Variants in ZNF334 observed in about 807,000 individuals in gnomAD.
ZNF334 encodes zinc finger protein 334.
A neutral mutation model predicts 12.4 loss-of-function variants in ZNF334; 14 were observed. That is an observed-to-expected ratio of 1.13 (90% confidence interval 0.74 to 1.76). The LOEUF is 1.76. Ranked by LOEUF, ZNF334 falls within the 40% of genes most tolerant of loss-of-function variation. The pLI, the probability that ZNF334 is intolerant of heterozygous loss-of-function variation, is 0.00. For synonymous variants in ZNF334, 273 were observed against 269.6 expected (o/e 1.01, Z -0.12); for missense variants, 797 against 804.5 (o/e 0.99, Z 0.11).
Position 46,501,325 on chromosome 20 carries a change from GA to G in ZNF334, c.2013del (p.Leu672PhefsTer32), listed in dbSNP as rs767251175. 7.4e-6 allele frequency: 12 copies of G among 1,610,904 alleles called. No individual in the cohort carries two copies. Among genetic ancestry groups the G allele is most frequent in the South Asian group, 1.1e-5 (1 of 90,720 alleles). On this transcript the variant is annotated frameshift_variant, in exon 5 of 5. Transcript: ENST00000692313. LOFTEE classifies it low-confidence loss of function (END_TRUNC). ...CEKTFRHKSN[F>X]LLHQKSHKE ...TCCTTGTGGGATTTCTGATGTAAAA[GA>G]AAGTTTGATTTGTGGCGAAATGTTT...
chr20:46,501,613 C>T lies in ZNF334; in HGVS notation c.1726G>A (p.Glu576Lys), dbSNP rs775784193. The T allele has an allele frequency of 3.8e-5, 62 of 1,614,136 alleles. No homozygotes were observed. In the South Asian group the frequency reaches 5.7e-4, roughly 15 times the overall value. The change falls in exon 5 of 5, where the codon GAA becomes AAA. Residue 576 changes from glutamate to lysine, a missense_variant. Physicochemically the swap from Glu to Lys is moderately conservative, Grantham distance 56. Transcript: ENST00000692313. ...TTCTGACAGAAGGTTTTCCCACATT[C>T]ATTACACTCATAGGGTCTCTGTCCT... is the stretch of plus-strand genomic sequence containing the variant. ...HTGQRPYECN[E>K]CGKTFCQKFS...
the ZNF334 span, among the ~76,000 whole-genome samples, chr20:46,474,310 G>A: frequency 6.6e-6 from 1 of 151,854 alleles, no homozygotes; most frequent in Non-Finnish European, 1.5e-5. Context: ...GAGGTGGGAG[G>A]TGGAGGTTGC....
At chr20:46,498,123 G>A (rs371287098), downstream of ZNF334, among the ~76,000 whole-genome samples, 7 of 152,104 alleles carry the variant, frequency 4.6e-5, 1 homozygote, top group African/African-American at 1.7e-4. Flanking sequence ...TGTTTTCAGC[G>A]CGTCTCCTCT....
At chr20:46,481,712 G>A in the ZNF334 span, among the ~76,000 whole-genome samples, 2 of 152,104 alleles carry the variant, frequency 1.3e-5, no homozygotes, top group Non-Finnish European at 2.9e-5. Flanking sequence ...GTAACAAAAG[G>A]GCACTCGTCC....
chr20:46,470,098 C>T, the ZNF334 span, among the ~76,000 whole-genome samples: 22 of 152,152 alleles, frequency 1.4e-4, no homozygotes, highest in Admixed American at 7.2e-4. Context: ...ATAGGTGCTC[C>T]ATAAAAGACA....
the ZNF334 span, chr20:46,491,536 T>A: frequency 6.5e-6 from 1 of 153,028 alleles, no homozygotes; most frequent in Non-Finnish European, 1.5e-5. Context: ...CAAATCTTAA[T>A]AAACATCAGA....
chr20:46,496,456 G>GT (rs1351009614), downstream of ZNF334, among the ~76,000 whole-genome samples: 4 of 152,218 alleles, frequency 2.6e-5, no homozygotes, highest in Non-Finnish European at 4.4e-5. Flanking sequence ...TTACAAAAGT[G>GT]TGGGAAGGGT....
the ZNF334 span, among the ~76,000 whole-genome samples, chr20:46,488,296 C>T: frequency 6.7e-6 from 1 of 148,376 alleles, no homozygotes; most frequent in African/African-American, 2.5e-5. Context: ...AGCTGTAACT[C>T]TATTTTAGTG....
chr20:46,498,913 G>A (rs528714587), downstream of ZNF334, among the ~76,000 whole-genome samples: 2 of 152,206 alleles, frequency 1.3e-5, no homozygotes, highest in African/African-American at 2.4e-5. Context: ...GGTGGCTCAC[G>A]CCTGTAATCC....
the ZNF334 span, among the ~76,000 whole-genome samples, chr20:46,463,089 A>C: frequency 1.3e-5 from 2 of 152,154 alleles, no homozygotes; most frequent in African/African-American, 4.8e-5. Context: ...TCTACCAAAA[A>C]TACAAAAATT....
At chr20:46,490,813 T>C in the ZNF334 span, 2 of 152,220 alleles carry the variant, frequency 1.3e-5, no homozygotes, top group Non-Finnish European at 2.9e-5. Flanking sequence ...TTTTTTCTCA[T>C]ATTGTTTTCC....
At chr20:46,482,818 C>T in the ZNF334 span, among the ~76,000 whole-genome samples, 3 of 152,208 alleles carry the variant, frequency 2.0e-5, no homozygotes, top group Admixed American at 2.0e-4. Flanking sequence ...GCATAGATGG[C>T]CCTTATTCTC....
chr20:46,479,059 C>T, the ZNF334 span, among the ~76,000 whole-genome samples: 1 of 152,134 alleles, frequency 6.6e-6, no homozygotes. Context: ...TGCCTGCAAA[C>T]TTAGTGGCTC....
At chr20:46,469,851 T>C in the ZNF334 span, among the ~76,000 whole-genome samples, 1 of 152,198 alleles carries the variant, frequency 6.6e-6, no homozygotes, top group South Asian at 2.1e-4. Flanking sequence ...GCAGCAGACA[T>C]ACACCCTTAA....
downstream of ZNF334, among the ~76,000 whole-genome samples, chr20:46,495,023 GT>G (rs1310298621): frequency 6.6e-6 from 1 of 152,056 alleles, no homozygotes; most frequent in African/African-American, 2.4e-5. Context: ...TCAGCAGAAA[GT>G]TTTATATTTT....
chr20:46,470,945 G>T, the ZNF334 span, among the ~76,000 whole-genome samples: 26 of 152,254 alleles, frequency 1.7e-4, no homozygotes, highest in African/African-American at 6.0e-4. Context: ...GTGAACAAAA[G>T]CATGAATTTC....
the ZNF334 span, among the ~76,000 whole-genome samples, chr20:46,482,779 T>G: frequency 6.6e-6 from 1 of 152,168 alleles, no homozygotes; most frequent in African/African-American, 2.4e-5. Flanking sequence ...GTTTTGTAAT[T>G]TATTTTGGAG....
At chr20:46,487,032 T>C in the ZNF334 span, among the ~76,000 whole-genome samples, 1 of 152,140 alleles carries the variant, frequency 6.6e-6, no homozygotes. Flanking sequence ...TATTTTTTGG[T>C]TTAAAATGTA....
chr20:46,510,103 C>G (rs1216003297), intron 2 of ZNF334, among the ~76,000 whole-genome samples: 2 of 152,162 alleles, frequency 1.3e-5, no homozygotes, highest in African/African-American at 4.8e-5. Flanking sequence ...AGGAAACGGT[C>G]ATGACATACA....
Sources: gnomAD v4.1 joint callset for allele counts (sites outside exome capture counted in the v4.1 genomes callset) on GRCh38, gnomAD v4.1.1 for gene constraint, MANE v1.5 for transcripts, NCBI Gene and HGNC (gene_info 2026-07-23, HGNC 2026-07-21) for gene names.